Variants in XKR6 observed in about 807,000 individuals in gnomAD.
XKR6 encodes XK-related protein 6.
XKR6 carries 22 observed loss-of-function variants against 56.7 expected under a neutral mutation model. The ratio of observed to expected loss-of-function variants is 0.39; its 90% CI spans 0.28 to 0.55. The LOEUF (loss-of-function observed/expected upper bound fraction) is 0.55. Among genes scored for constraint, XKR6 ranks in the 20% least tolerant of loss-of-function variants. The pLI, the probability that XKR6 is intolerant of heterozygous loss-of-function variation, is 0.66. For missense variants in XKR6, 852 were observed against 889.0 expected, an observed-to-expected ratio of 0.96 and a Z score of 0.53; for synonymous variants, 524 against 387.8, an observed-to-expected ratio of 1.35 and a Z score of -4.13.
chr8:11,146,495 G>A (rs1042253445), intron 1 of XKR6, among the ~76,000 whole-genome samples: 1 of 152,092 alleles, frequency 6.6e-6, no homozygotes, highest in African/African-American at 2.4e-5. Context: ...TGAGCATGGT[G>A]GCATGTGCCT....
intron 1 of XKR6, chr8:11,109,819 A>C (rs756920649): frequency 6.6e-6 from 1 of 152,166 alleles, no homozygotes; most frequent in Non-Finnish European, 1.5e-5. Flanking sequence ...TGTGGCTAGA[A>C]CTGGCTAAGA....
Position 11,201,104 on chromosome 8 carries a change from C to G in XKR6, c.236G>C (p.Gly79Ala). ...CRSACLRSLL[G>A]RKPRRSAAAD... is the part of the protein sequence containing the mutation. ...GGCGGCGCTGCGGCGCGGCTTCCTGCCCAGGAGGGAGCGCAGGCAGGCGGA... is the reference window on the plus strand; with the variant it reads ...GGCGGCGCTGCGGCGCGGCTTCCTGGCCAGGAGGGAGCGCAGGCAGGCGGA... Residue 79 changes from glycine to alanine, a missense_variant, in exon 1 of 3, where the codon GGC (glycine) becomes GCC (alanine). Physicochemically the swap from Gly to Ala is moderately conservative, Grantham distance 60 (BLOSUM62 0). Around this residue, in one of 4 missense-constraint regions of XKR6, gnomAD observed 417 missense variants for 355.2 expected, o/e 1.17. Transcript: ENST00000416569. The G allele has an allele frequency of 1.3e-6, 2 of 1,500,242 alleles. No homozygotes were observed. Among genetic ancestry groups the G allele is most frequent in the Non-Finnish European group, 1.8e-6 (2 of 1,131,850 alleles). The allele number at this position is 1,500,242 out of a possible 1,614,324, so 92.9% of individuals were successfully genotyped here.
At chr8:11,024,991 T>C (rs1179966298) in intron 1 of XKR6, among the ~76,000 whole-genome samples, 1 of 152,190 alleles carries the variant, frequency 6.6e-6, no homozygotes, top group South Asian at 2.1e-4. Context: ...TGGCTCCCAG[T>C]AACCAAAGTC....
intron 1 of XKR6, among the ~76,000 whole-genome samples, chr8:11,004,724 C>T (rs1454334732): frequency 6.6e-6 from 1 of 152,208 alleles, no homozygotes; most frequent in African/African-American, 2.4e-5. Flanking sequence ...GGGACTCAAA[C>T]AGATAATTGT....
At chr8:10,978,863 A>T (rs118102099) in intron 1 of XKR6, among the ~76,000 whole-genome samples, 15,266 of 152,214 alleles carry the variant, frequency 0.1, 1,035 homozygotes, top group Non-Finnish European at 0.15. Context: ...GCCTGTGGGC[A>T]GGGCCACATT....
intron 1 of XKR6, among the ~76,000 whole-genome samples, chr8:11,034,677 A>G (rs1799092388): frequency 6.6e-6 from 1 of 152,184 alleles, no homozygotes; most frequent in Admixed American, 6.5e-5. Flanking sequence ...ATACCAGCAC[A>G]TGACTGTCAG....
chr8:11,104,059 C>T (rs1056727977), intron 1 of XKR6, among the ~76,000 whole-genome samples: 1 of 152,240 alleles, frequency 6.6e-6, no homozygotes, highest in African/African-American at 2.4e-5. Context: ...TCAAGTCCCA[C>T]AGAATACAGA....
At chr8:10,959,811 C>T (rs531635532) in intron 1 of XKR6, among the ~76,000 whole-genome samples, 1 of 152,286 alleles carries the variant, frequency 6.6e-6, no homozygotes, top group East Asian at 1.9e-4. Context: ...CACCTTGCGC[C>T]CTTTCCTCTG....
chr8:10,957,094 G>A (rs1478657175), intron 1 of XKR6, among the ~76,000 whole-genome samples: 2 of 152,192 alleles, frequency 1.3e-5, no homozygotes, highest in Admixed American at 1.3e-4. Flanking sequence ...GGGATTACAG[G>A]CACGTGCCAC....
intron 1 of XKR6, among the ~76,000 whole-genome samples, chr8:11,190,439 A>G (rs979853132): frequency 1.3e-5 from 2 of 152,138 alleles, no homozygotes; most frequent in Non-Finnish European, 2.9e-5. Context: ...CCTTTGTGTA[A>G]TGTGGAAGTC....
chr8:10,942,897 T>TG (rs1234977992), intron 1 of XKR6, among the ~76,000 whole-genome samples: 1 of 152,210 alleles, frequency 6.6e-6, no homozygotes, highest in African/African-American at 2.4e-5. Context: ...CTTCTGAGGG[T>TG]GGAACAGTTG....
intron 1 of XKR6, among the ~76,000 whole-genome samples, chr8:11,014,011 C>T (rs188670077): frequency 2.6e-5 from 4 of 152,314 alleles, no homozygotes; most frequent in Admixed American, 2.0e-4. Flanking sequence ...TTTACTCGCA[C>T]GGCAGACAGG....
intron 1 of XKR6, among the ~76,000 whole-genome samples, chr8:10,955,025 T>C (rs575013340): frequency 1.3e-5 from 2 of 152,036 alleles, no homozygotes; most frequent in Non-Finnish European, 2.9e-5. Flanking sequence ...TGTGCCACCA[T>C]GCCCAGCTAA....
chr8:10,999,574 T>G (rs1001614524), intron 1 of XKR6, among the ~76,000 whole-genome samples: 1 of 152,206 alleles, frequency 6.6e-6, no homozygotes, highest in Non-Finnish European at 1.5e-5. Flanking sequence ...AAGGGTTTGG[T>G]CAATGCTATG....
At chr8:11,088,808 G>C (rs17723593) in intron 1 of XKR6, among the ~76,000 whole-genome samples, 7,942 of 152,320 alleles carry the variant, frequency 0.052, 269 homozygotes, top group Middle Eastern at 0.085. Context: ...CTGCCCTACA[G>C]TGCCTAGCCT....
At chr8:10,932,874 C>T (rs1435068458) in intron 1 of XKR6, among the ~76,000 whole-genome samples, 6 of 137,482 alleles carry the variant, frequency 4.4e-5, no homozygotes, top group East Asian at 2.0e-4. Context: ...TGAATAATGC[C>T]GCAATAAACA....
chr8:10,945,579 C>G (rs1278931070), intron 1 of XKR6, among the ~76,000 whole-genome samples: 1 of 152,198 alleles, frequency 6.6e-6, no homozygotes, highest in African/African-American at 2.4e-5. Context: ...TCTAAGCTCC[C>G]AGAAGGACAG....
chr8:11,057,996 G>A (rs1056405431), intron 1 of XKR6, among the ~76,000 whole-genome samples: 2 of 152,190 alleles, frequency 1.3e-5, no homozygotes, highest in African/African-American at 2.4e-5. Flanking sequence ...TATGTCTGTG[G>A]CACATGTGTT....
At chr8:11,108,023 C>T in intron 1 of XKR6, 1 of 320,954 alleles carries the variant, frequency 3.1e-6, no homozygotes, top group South Asian at 2.5e-5. Flanking sequence ...TTCCACGATG[C>T]GCCTCTCAGC....
Sources: gnomAD v4.1 joint callset for allele counts (sites outside exome capture counted in the v4.1 genomes callset) on GRCh38, gnomAD v4.1.1 for gene constraint, gnomAD v4.1.1 regional missense constraint, MANE v1.5 for transcripts, NCBI Gene and HGNC (gene_info 2026-07-23, HGNC 2026-07-21) for gene names.